Variants in C9 observed in about 807,000 individuals in gnomAD.
C9 encodes complement component C9.
Under a neutral mutation model 65.4 loss-of-function variants are expected in C9, and 63 were observed. The ratio of observed to expected loss-of-function variants is 0.96; its 90% CI spans 0.79 to 1.19. The LOEUF (loss-of-function observed/expected upper bound fraction) is 1.19, where lower values mean the gene tolerates loss of function less well. Among genes scored for constraint, C9 ranks in the 50% most tolerant of loss-of-function variants. The probability of loss-of-function intolerance (pLI) is 0.00; values close to 1 mark genes in which losing one functional copy is unlikely to be tolerated. For missense variants in C9, 744 were observed against 670.1 expected (o/e 1.11, Z -1.22); for synonymous variants, 229 against 227.9 (o/e 1.00, Z -0.04).
At chr5:39,346,304 A>T (rs1460660006) in intron 1 of C9, among the ~76,000 whole-genome samples, 1 of 152,216 alleles carries the variant, frequency 6.6e-6, no homozygotes, top group East Asian at 1.9e-4. Context: ...AGAGAGAAGA[A>T]TCAAATAGAT....
intron 9 of C9, among the ~76,000 whole-genome samples, chr5:39,293,583 G>A (rs61306513): frequency 0.11 from 16,219 of 151,772 alleles, 1,056 homozygotes; most frequent in African/African-American, 0.18. Flanking sequence ...TAGATCTAAA[G>A]TGAAACAACA....
chr5:39,363,435 C>T (rs577272408), intron 1 of C9, among the ~76,000 whole-genome samples: 1 of 152,202 alleles, frequency 6.6e-6, no homozygotes, highest in East Asian at 1.9e-4. Context: ...TGGAGACGGG[C>T]ATCAAAGTTC....
At chr5:39,318,724 T>C (rs958920774) in intron 5 of C9, among the ~76,000 whole-genome samples, 1 of 152,074 alleles carries the variant, frequency 6.6e-6, no homozygotes, top group Non-Finnish European at 1.5e-5. Context: ...GGATTTAGTA[T>C]TGAGTGGTTG....
At chr5:39,349,279 C>T (rs536948970) in intron 1 of C9, among the ~76,000 whole-genome samples, 1 of 151,952 alleles carries the variant, frequency 6.6e-6, no homozygotes, top group African/African-American at 2.4e-5. Flanking sequence ...CATTGAATAT[C>T]TCCTTCCTTT....
intron 5 of C9, among the ~76,000 whole-genome samples, chr5:39,330,244 A>G (rs1033208056): frequency 6.6e-6 from 1 of 152,076 alleles, no homozygotes; most frequent in Non-Finnish European, 1.5e-5. Context: ...GCTGCTCCAA[A>G]CTCCATTGTG....
At chr5:39,327,043 TTATACAGCAAAA>T (rs1310236916) in intron 5 of C9, among the ~76,000 whole-genome samples, 2 of 151,982 alleles carry the variant, frequency 1.3e-5, no homozygotes, top group East Asian at 3.8e-4. Flanking sequence ...AAAGCACGTA[TTATACAGCAAAA>T]TATATACCAA....
chr5:39,288,029 C>A (rs1753022973), intron 10 of C9, among the ~76,000 whole-genome samples: 1 of 151,674 alleles, frequency 6.6e-6, no homozygotes, highest in Non-Finnish European at 1.5e-5. Flanking sequence ...CTTAAAAATA[C>A]AATACAGAAT....
At chr5:39,338,606 T>A (rs1163151475) in intron 4 of C9, among the ~76,000 whole-genome samples, 2 of 152,374 alleles carry the variant, frequency 1.3e-5, no homozygotes, top group East Asian at 3.9e-4. Flanking sequence ...ACATAGGTTA[T>A]TACTCATGGT....
intron 1 of C9, among the ~76,000 whole-genome samples, chr5:39,350,381 C>T (rs538721525): frequency 7.9e-5 from 12 of 152,292 alleles, no homozygotes; most frequent in South Asian, 4.1e-4. Context: ...TCCAAAATCT[C>T]ATGTTCTTCT....
rs111671967 is a variant in C9 at position 39,348,910 on chromosome 5, C to T, written c.78-6714G>A. Among the ~76,000 whole-genome samples the T allele has an allele frequency of 5.3e-5, 8 of 150,986 alleles. No homozygotes were observed. In the South Asian group the frequency reaches 1.7e-3, roughly 32 times the overall value. The stretch of plus-strand genomic sequence containing the variant: ...GCTGGAAACCATCATTCTCAGCAAA[C>T]TATTGCAAGGACGAAAAACCAAACA... On this transcript the variant is annotated intron_variant, in intron 1 of 10. Transcript: ENST00000263408.
Position 39,308,445 on chromosome 5 carries a change from C to A in C9, c.1112-87G>T, listed in dbSNP as rs1579848083. ...CAATTTTGCTATTTTCAAGCAACATCCTTACTTAGGTTCCTATACACCATG... is the reference window on the plus strand; with the variant it reads ...CAATTTTGCTATTTTCAAGCAACATACTTACTTAGGTTCCTATACACCATG... On this transcript the variant is annotated intron_variant, in intron 7 of 10. Coordinates refer to ENST00000263408, the MANE Select transcript of C9 (RefSeq NM_001737.5). 8.2e-6 allele frequency: 8 copies of A among 970,842 alleles called. No homozygotes were observed. The East Asian group carries it at 2.0e-4, about 24-fold the overall frequency. 60.1% of individuals were successfully genotyped at this position (970,842 alleles called of 1,614,324 possible).
Position 39,360,796 on chromosome 5 carries a change from T to C in C9, c.77+3592A>G, listed in dbSNP as rs187808633. ...TGACAAATATCAAAAGGTTGGCCTG[T>C]GGTTCCTGTCGCAAGGCTGTGAGAA... On this transcript the variant is annotated intron_variant, in intron 1 of 10. Transcript: ENST00000263408. Among the ~76,000 whole-genome samples the C allele has an allele frequency of 2.7e-3, 415 of 152,326 alleles. 1 individual carries two copies. Among genetic ancestry groups the C allele is most frequent in the Non-Finnish European group, 4.1e-3 (278 of 68,024 alleles).
rs1299772047 is a variant in C9 at position 39,308,255 on chromosome 5, A to C, written c.1215T>G (p.Cys405Trp). Residue 405 changes from cysteine to tryptophan, a missense_variant, in exon 8 of 11, where the codon TGT becomes TGG. Cys to Trp is a radical substitution (Grantham distance 215, BLOSUM62 -2). Transcript: ENST00000263408. Reference protein sequence around the residue: ...SVGAEFNKDDCVKRGEGRAVN... With the variant: ...SVGAEFNKDDWVKRGEGRAVN... ...CAGCTCTACCCTCTCCCCTCTTTAC[A>C]CAATCATCTTTATTAAATTCAGCTC... 1.2e-6 allele frequency: 2 copies of C among 1,612,276 alleles called. No homozygotes were observed. The highest frequency in any genetic ancestry group is 2.2e-5 in the South Asian group (2 of 91,072).
intron 4 of C9, among the ~76,000 whole-genome samples, chr5:39,337,117 T>C (rs2111943786): frequency 6.6e-6 from 1 of 152,326 alleles, no homozygotes; most frequent in South Asian, 2.1e-4. Flanking sequence ...TGAATGCAGC[T>C]GAATTGTCAT....
intron 1 of C9, among the ~76,000 whole-genome samples, chr5:39,362,227 A>G (rs1186310835): frequency 1.3e-5 from 2 of 152,178 alleles, no homozygotes; most frequent in African/African-American, 4.8e-5. Context: ...TTATTTGGAA[A>G]TAGGGTCTTT....
In C9 at chr5:39,348,761, C is replaced by T. The variant is rs147244420; in HGVS notation, c.78-6565G>A. Among the ~76,000 whole-genome samples the T allele has an allele frequency of 0.014, 2,199 of 152,128 alleles. 163 individuals carry two copies. In the East Asian group the frequency reaches 0.25, roughly 17 times the overall value. ...GCACTATTCACAATAGCAAAGACTT[C>T]GAACCAACCCAAATGTCCATCAATG... On this transcript the variant is annotated intron_variant, in intron 1 of 10. Coordinates refer to ENST00000263408, the MANE Select transcript of C9 (RefSeq NM_001737.5).
In C9 at chr5:39,306,162, CAAAA is replaced by C. The variant is rs541310785; in HGVS notation, c.1416+451_1416+454del. Among the ~76,000 whole-genome samples the C allele has an allele frequency of 9.1e-3, 926 of 101,932 alleles. 11 individuals carry two copies. Among genetic ancestry groups the C allele is most frequent in the African/African-American group, 0.03 (737 of 24,392 alleles). The allele number at this position is 101,932 out of a possible 152,430, so 66.9% of individuals were successfully genotyped here. A position where few individuals can be genotyped will look rare whatever the true frequency, so the allele number is the denominator to read the frequency against. On this transcript the variant is annotated intron_variant, in intron 9 of 10. Coordinates refer to ENST00000263408, the MANE Select transcript of C9 (RefSeq NM_001737.5). ...TGGGTGACACAGTGAGACTCTGTCT[CAAAA>C]AAAAAAAAAAAAAAAAAGACACTTA...
In C9 at chr5:39,310,221, C is replaced by T. The variant is rs116311875; in HGVS notation, c.1111+916G>A. On this transcript the variant is annotated intron_variant, in intron 7 of 10. Coordinates refer to ENST00000263408, the MANE Select transcript of C9 (RefSeq NM_001737.5). ...GCTTTTACGTCACAGTTACATTCCA[C>T]CCTTCACTTAACACCTGATACCTTG... 6.7e-3 allele frequency among the ~76,000 whole-genome samples: 1,026 copies of T among 152,170 alleles called. 7 individuals are homozygous for T. Among genetic ancestry groups the T allele is most frequent in the South Asian group, 0.013 (65 of 4,828 alleles).
intron 9 of C9, among the ~76,000 whole-genome samples, chr5:39,291,131 G>A (rs564559388): frequency 6.6e-6 from 1 of 151,850 alleles, no homozygotes; most frequent in African/African-American, 2.4e-5. Flanking sequence ...AGCTATGGTG[G>A]CTGCCAATGT....
Sources: gnomAD v4.1 joint callset for allele counts (sites outside exome capture counted in the v4.1 genomes callset) on GRCh38, gnomAD v4.1.1 for gene constraint, MANE v1.5 for transcripts, NCBI Gene and HGNC (gene_info 2026-07-23, HGNC 2026-07-21) for gene names.